CORIN: variants seen among roughly 807,000 people sequenced by gnomAD.
The protein encoded by CORIN is atrial natriuretic peptide-converting enzyme.
CORIN carries 117 observed loss-of-function variants against 125.3 expected under a neutral mutation model. The observed-to-expected ratio is 0.93, with a 90% CI of 0.80 to 1.09. The LOEUF (loss-of-function observed/expected upper bound fraction) is 1.09, where lower values mean the gene tolerates loss of function less well. Among genes scored for constraint, CORIN ranks in the 50% least tolerant of loss-of-function variants. The pLI is 0.00. For synonymous variants in CORIN, 450 were observed against 466.4 expected, an observed-to-expected ratio of 0.96 and a Z score of 0.45; for missense variants, 1,253 against 1,306.7, an observed-to-expected ratio of 0.96 and a Z score of 0.63.
intron 16 of CORIN, among the ~76,000 whole-genome samples, chr4:47,629,750 C>T (rs1722732129): frequency 6.6e-6 from 1 of 152,014 alleles, no homozygotes; most frequent in African/African-American, 2.4e-5. Flanking sequence ...GAAGTCTTTC[C>T]ACCATAACAG....
Position 47,626,048 on chromosome 4 carries a change from T to A in CORIN, c.2315+357A>T, listed in dbSNP as rs188967481. Reference sequence around the variant, plus strand: ...CTTAGACATTCCAAGTTTTCTTAGTTATCATTACTTCAGTTCCCTCTGTTT... The same window carrying A: ...CTTAGACATTCCAAGTTTTCTTAGTAATCATTACTTCAGTTCCCTCTGTTT... On this transcript the variant is annotated intron_variant, in intron 17 of 21. Coordinates refer to ENST00000273857, the MANE Select transcript of CORIN (RefSeq NM_006587.4). 6.5e-3 allele frequency among the ~76,000 whole-genome samples: 987 copies of A among 152,330 alleles called. 14 individuals are homozygous for A. Among genetic ancestry groups the A allele is most frequent in the Non-Finnish European group, 5.8e-3 (396 of 68,026 alleles).
intron 1 of CORIN, among the ~76,000 whole-genome samples, chr4:47,822,110 G>C (rs1732542339): frequency 1.3e-5 from 2 of 152,162 alleles, no homozygotes; most frequent in African/African-American, 4.8e-5. Context: ...TCTTAGGGTA[G>C]ATTTTTTAAA....
chr4:47,671,049 A>G (rs1724735765), intron 10 of CORIN, among the ~76,000 whole-genome samples: 1 of 152,206 alleles, frequency 6.6e-6, no homozygotes, highest in East Asian at 1.9e-4. Context: ...ACCTTTTCAT[A>G]TTCTATTTCA....
intron 5 of CORIN, among the ~76,000 whole-genome samples, chr4:47,719,038 A>G (rs1445018791): frequency 6.6e-6 from 1 of 152,168 alleles, no homozygotes; most frequent in Non-Finnish European, 1.5e-5. Context: ...ACATACATGA[A>G]TAACTCCCAA....
chr4:47,641,800 GTTTTGAAGGACTCTTTGTTTGAGAGCAC>G, intron 16 of CORIN, 92 bp downstream of exon 16: 1 of 1,224,162 alleles, frequency 8.2e-7, no homozygotes, highest in Admixed American at 2.1e-5. Context: ...CATTTCCCGG[GTTTTGAAGGACTCTTTGTTTGAGAGCAC>G]TAACTCTCTG....
At chr4:47,705,844 C>G (rs1170119091) in intron 5 of CORIN, among the ~76,000 whole-genome samples, 1 of 136,104 alleles carries the variant, frequency 7.3e-6, no homozygotes, top group Non-Finnish European at 1.5e-5. Flanking sequence ...TTGTGAAGTG[C>G]CCCCCGTGTG....
intron 4 of CORIN, among the ~76,000 whole-genome samples, chr4:47,758,162 C>A (rs1233123097): frequency 6.6e-6 from 1 of 151,960 alleles, no homozygotes; most frequent in Non-Finnish European, 1.5e-5. Context: ...GATCTGCTCG[C>A]CTGGCCTCCC....
chr4:47,597,114 G>A (rs1171942452), intron 21 of CORIN, among the ~76,000 whole-genome samples: 1 of 152,130 alleles, frequency 6.6e-6, no homozygotes, highest in African/African-American at 2.4e-5. Flanking sequence ...CACTTTGGGA[G>A]GCCGAGGCAG....
chr4:47,637,310 G>A (rs1288689012), intron 16 of CORIN, among the ~76,000 whole-genome samples: 1 of 152,188 alleles, frequency 6.6e-6, no homozygotes, highest in Admixed American at 6.5e-5. Flanking sequence ...CAATGCAATA[G>A]AAAAGAAAAT....
intron 12 of CORIN, among the ~76,000 whole-genome samples, chr4:47,658,445 T>C (rs28793954): frequency 0.26 from 40,079 of 152,094 alleles, 5,552 homozygotes; most frequent in Admixed American, 0.36. Context: ...CATTCTGGAG[T>C]CTGGAGGGCA....
intron 9 of CORIN, among the ~76,000 whole-genome samples, chr4:47,676,355 T>C (rs965715197): frequency 2.0e-5 from 3 of 152,204 alleles, no homozygotes; most frequent in South Asian, 2.1e-4. Context: ...CAATTGCTTT[T>C]TCAAGCCCCG....
intron 16 of CORIN, among the ~76,000 whole-genome samples, chr4:47,629,906 A>G (rs1399866876): frequency 6.6e-6 from 1 of 152,148 alleles, no homozygotes; most frequent in African/African-American, 2.4e-5. Context: ...AACAAGTAAC[A>G]TGCCCAAGGC....
At position 47,744,015 on chromosome 4, in the gene CORIN, T is replaced by C. The variant is rs570922216; in HGVS notation, c.799+387A>G. Among the ~76,000 whole-genome samples, 6 of 152,352 alleles carry C rather than the reference T, an allele frequency of 3.9e-5. No homozygotes were observed. In the East Asian group the frequency reaches 5.8e-4, roughly 15 times the overall value. ...ATTTTGGTTCAATCATATATTAGAATGCTGTATAACAATGAGAATGAATGA... is the reference window on the plus strand; with the variant it reads ...ATTTTGGTTCAATCATATATTAGAACGCTGTATAACAATGAGAATGAATGA... On this transcript the variant is annotated intron_variant, in intron 5 of 21. Transcript: ENST00000273857.
intron 2 of CORIN, among the ~76,000 whole-genome samples, chr4:47,793,851 C>T (rs1213939452): frequency 6.6e-6 from 1 of 152,096 alleles, no homozygotes; most frequent in Admixed American, 6.5e-5. Flanking sequence ...TCAAATTCAG[C>T]AGGTTTGGAG....
Position 47,683,757 on chromosome 4 carries a change from CCA to C in CORIN, c.993_994del (p.Cys331TrpfsTer5), listed in dbSNP as rs2109721548. On this transcript the variant is annotated frameshift_variant, in exon 7 of 22. Transcript: ENST00000273857. LOFTEE classifies it high-confidence loss of function. ...ACAGTTTTGCTCATCACTCAAATCC[CCA>C]CAGTCATCATATCCATCACACACAA... 6.2e-7 allele frequency: 1 copy of C among 1,613,544 alleles called. No homozygotes were observed. The highest frequency in any genetic ancestry group is 1.1e-5 in the South Asian group (1 of 91,022).
At chr4:47,618,646 C>T (rs182482519) in intron 19 of CORIN, among the ~76,000 whole-genome samples, 39 of 151,830 alleles carry the variant, frequency 2.6e-4, no homozygotes, top group African/African-American at 8.2e-4. Context: ...GGTGAAACCC[C>T]GTCTTTACTA....
intron 16 of CORIN, among the ~76,000 whole-genome samples, chr4:47,638,682 C>A (rs766173149): frequency 3.3e-5 from 5 of 152,184 alleles, no homozygotes; most frequent in African/African-American, 1.2e-4. Flanking sequence ...CTCTGTGGAA[C>A]TGTAAGTCCA....
At chr4:47,764,024 T>G (rs904853329) in intron 3 of CORIN, among the ~76,000 whole-genome samples, 1 of 152,146 alleles carries the variant, frequency 6.6e-6, no homozygotes, top group African/African-American at 2.4e-5. Flanking sequence ...GATCTTTGCA[T>G]AGTTTACAAT....
chr4:47,654,198 G>A (rs1020277625), intron 12 of CORIN, among the ~76,000 whole-genome samples: 1 of 152,084 alleles, frequency 6.6e-6, no homozygotes, highest in Non-Finnish European at 1.5e-5. Context: ...AACACCTGGA[G>A]TACTAATTAA....
Sources: gnomAD v4.1 joint callset for allele counts (sites outside exome capture counted in the v4.1 genomes callset) on GRCh38, gnomAD v4.1.1 for gene constraint, MANE v1.5 for transcripts, NCBI Gene and HGNC (gene_info 2026-07-23, HGNC 2026-07-21) for gene names.